LOXHD1: variants seen among roughly 807,000 people sequenced by gnomAD.
The protein encoded by LOXHD1 is lipoxygenase homology domain-containing protein 1.
A neutral mutation model predicts 248.2 loss-of-function variants in LOXHD1; 205 were observed. The observed-to-expected ratio is 0.83, with a 90% CI of 0.74 to 0.93. The LOEUF (loss-of-function observed/expected upper bound fraction) is 0.93, where lower values mean the gene tolerates loss of function less well. Ranked by LOEUF, LOXHD1 falls within the 40% of genes least tolerant of loss-of-function variation. The pLI is 0.00. For missense variants in LOXHD1, 2,930 were observed against 2,971.6 expected (o/e 0.99, Z 0.33); for synonymous variants, 1,113 against 1,162.8 (o/e 0.96, Z 0.87).
At position 46,592,017 on chromosome 18, in the gene LOXHD1, G is replaced by C. The variant is rs192376005; in HGVS notation, c.1570C>G (p.Arg524Gly). 6.4e-7 allele frequency: 1 copy of C among 1,552,188 alleles called. No individual in the cohort carries two copies. Among genetic ancestry groups the C allele is most frequent in the African/African-American group, 1.4e-5 (1 of 73,148 alleles). ...TCATCCTCATTGGCATCCAGCCAGC[G>C]GTTGCAATTGAAGTTGTACTTGTCT... ...NKDKYNFNCN[R>G]WLDANEDDNE... Residue 524 changes from arginine (R) to glycine (G), a missense_variant, in exon 12 of 41, where the codon CGC (arginine) becomes GGC (glycine). Physicochemically the swap from Arg to Gly is moderately radical, Grantham distance 125. Transcript: ENST00000642948.
chr18:46,614,783 G>A (rs1362791468), intron 5 of LOXHD1, among the ~76,000 whole-genome samples: 1 of 151,404 alleles, frequency 6.6e-6, no homozygotes, highest in Non-Finnish European at 1.5e-5. Flanking sequence ...AGACTAATCT[G>A]TACATTTCTT....
chr18:46,541,327 C>A (rs1167738698), intron 25 of LOXHD1, among the ~76,000 whole-genome samples: 1 of 152,098 alleles, frequency 6.6e-6, no homozygotes, highest in Admixed American at 6.5e-5. Context: ...CATTGTGGGG[C>A]TGGCAGTCAT....
At chr18:46,616,855 T>G (rs2038595092) in intron 5 of LOXHD1, among the ~76,000 whole-genome samples, 1 of 152,226 alleles carries the variant, frequency 6.6e-6, no homozygotes, top group African/African-American at 2.4e-5. Flanking sequence ...TTATAGAAAG[T>G]AATCTGCCAA....
chr18:46,499,462 AAG>A (rs965975244), intron 37 of LOXHD1, among the ~76,000 whole-genome samples: 14 of 152,226 alleles, frequency 9.2e-5, no homozygotes, highest in Non-Finnish European at 1.8e-4. Flanking sequence ...AGGAAAAAAG[AAG>A]AGAGAGAATA....
chr18:46,596,946 T>G (rs1282465419), intron 8 of LOXHD1, among the ~76,000 whole-genome samples: 1 of 152,176 alleles, frequency 6.6e-6, no homozygotes, highest in Non-Finnish European at 1.5e-5. Context: ...AAGAAACTTC[T>G]AAAGGGTATC....
intron 22 of LOXHD1, 123 bp from the exon 23 acceptor site, chr18:46,545,544 A>G: frequency 2.9e-6 from 2 of 693,502 alleles, no homozygotes; most frequent in Admixed American, 2.1e-5. Context: ...CATCACTCCA[A>G]TTTTTCTCTT....
intron 37 of LOXHD1, among the ~76,000 whole-genome samples, chr18:46,498,365 G>A (rs1430671159): frequency 1.3e-5 from 2 of 152,206 alleles, no homozygotes; most frequent in Admixed American, 6.5e-5. Flanking sequence ...CCCTAGGGAA[G>A]TCTTTACTGT....
intron 29 of LOXHD1, among the ~76,000 whole-genome samples, chr18:46,527,915 G>C (rs2144205740): frequency 6.6e-6 from 1 of 152,298 alleles, no homozygotes; most frequent in Non-Finnish European, 1.5e-5. Context: ...CTATCTGGTT[G>C]GTGAAGCAGT....
chr18:46,566,498 C>T, intron 16 of LOXHD1, 49 bp from the exon 17 acceptor site: 1 of 1,486,494 alleles, frequency 6.7e-7, no homozygotes, highest in South Asian at 1.2e-5. Context: ...GTGTAGAAAC[C>T]TCCATGATCC....
chr18:46,655,405 A>G (rs1181937377), intron 1 of LOXHD1, among the ~76,000 whole-genome samples: 1 of 152,236 alleles, frequency 6.6e-6, no homozygotes, highest in Non-Finnish European at 1.5e-5. Flanking sequence ...CGTAAACAGA[A>G]GTCAACAGTG....
At chr18:46,484,811 C>A (rs1368090337) in intron 39 of LOXHD1, among the ~76,000 whole-genome samples, 2 of 152,146 alleles carry the variant, frequency 1.3e-5, no homozygotes, top group African/African-American at 4.8e-5. Flanking sequence ...GGTGGGCTCC[C>A]ATTAAATGCA....
rs1029546772 is a variant in LOXHD1 at position 46,563,520 on chromosome 18, A to T, written c.2438-295T>A. Among the ~76,000 whole-genome samples, 159 of 152,246 alleles carry T rather than the reference A, an allele frequency of 1.0e-3. 1 individual carries two copies. The highest frequency in any genetic ancestry group is 3.6e-3 in the African/African-American group (149 of 41,548). On this transcript the variant is annotated intron_variant, in intron 17 of 40. Coordinates refer to ENST00000642948, the MANE Select transcript of LOXHD1 (RefSeq NM_001384474.1). ...CAGGAAGGAGGAGGAGTCACATACC[A>T]GCTGGCGATCCCTGCTGTGTGCCTG...
At chr18:46,565,185 A>G (rs1043151769) in intron 17 of LOXHD1, among the ~76,000 whole-genome samples, 2 of 151,370 alleles carry the variant, frequency 1.3e-5, no homozygotes, top group Non-Finnish European at 2.9e-5. Context: ...AATCGCTTGA[A>G]CCCGGGAGGA....
chr18:46,509,877 G>GGC, intron 34 of LOXHD1, 62 bp from the exon 35 acceptor site: 1 of 551,740 alleles, frequency 1.8e-6, no homozygotes, highest in Admixed American at 2.3e-5. Flanking sequence ...GTTGGGGTGG[G>GGC]CCAGGCCAGA....
intron 34 of LOXHD1, among the ~76,000 whole-genome samples, chr18:46,515,247 A>G (rs1281783100): frequency 6.6e-6 from 1 of 152,232 alleles, no homozygotes; most frequent in African/African-American, 2.4e-5. Flanking sequence ...ATCACCTTGC[A>G]CAATAGCAAG....
At chr18:46,591,790 A>G in intron 12 of LOXHD1, 143 bp downstream of exon 12, 1 of 1,004,150 alleles carries the variant, frequency 1.0e-6, no homozygotes, top group Non-Finnish European at 1.5e-6. Flanking sequence ...GTCTTGAGGC[A>G]GGGACCTTCC....
rs559375907 is a variant in LOXHD1, at chr18:46,642,990, T to C, written c.246-954A>G. Among the ~76,000 whole-genome samples the C allele has an allele frequency of 3.9e-5, 6 of 152,312 alleles. No individual in the cohort carries two copies. The South Asian group carries it at 1.2e-3, about 32-fold the overall frequency. On this transcript the variant is annotated intron_variant, in intron 2 of 40. Transcript: ENST00000642948. ...AAGATGTGTGCCATCACAGAAGATT[T>C]ATCCACCATCGACGTCTTTTAAAAT...
chr18:46,510,748 G>A (rs2034910991), intron 34 of LOXHD1, among the ~76,000 whole-genome samples: 1 of 152,190 alleles, frequency 6.6e-6, no homozygotes, highest in South Asian at 2.1e-4. Context: ...AGTCTTAAAG[G>A]TGGTGGTGAA....
chr18:46,477,053 G>T, downstream of LOXHD1: 1 of 675,824 alleles, frequency 1.5e-6, no homozygotes, highest in East Asian at 2.7e-5. Flanking sequence ...TTCTTTATAG[G>T]ATATGGTTGG....
Sources: allele counts gnomAD v4.1 joint callset (sites outside exome capture counted in the v4.1 genomes callset), GRCh38; gene constraint gnomAD v4.1.1; transcripts MANE v1.5; gene names NCBI Gene and HGNC (gene_info 2026-07-23, HGNC 2026-07-21).